Variants in FBLN5 observed in about 807,000 individuals in gnomAD.
The protein encoded by FBLN5 is fibulin 5.
In FBLN5, 24 loss-of-function variants were observed where a neutral mutation model predicts 61.6. That is an observed-to-expected ratio of 0.39 (90% confidence interval 0.28 to 0.55). FBLN5 has a LOEUF of 0.55. Ranked by LOEUF, FBLN5 falls within the 20% of genes least tolerant of loss-of-function variation. The pLI, the probability that FBLN5 is intolerant of heterozygous loss-of-function variation, is 0.65. For missense variants in FBLN5, 470 were observed against 594.1 expected (o/e 0.79, Z 2.17); for synonymous variants, 213 against 219.8 (o/e 0.97, Z 0.27).
chr14:91,946,602 G>T, intron 1 of FBLN5: 1 of 856,140 alleles, frequency 1.2e-6, no homozygotes, highest in Non-Finnish European at 1.9e-6. Context: ...GTTTTCAAGA[G>T]CTCGCTGAAT....
intron 10 of FBLN5, among the ~76,000 whole-genome samples, chr14:91,871,029 G>C (rs564733288): frequency 1.3e-5 from 2 of 151,986 alleles, no homozygotes; most frequent in Non-Finnish European, 2.9e-5. Context: ...GAGGAGGGAG[G>C]GGATTGAAAA....
At chr14:91,925,781 T>C (rs1265615186) in intron 4 of FBLN5, among the ~76,000 whole-genome samples, 1 of 152,200 alleles carries the variant, frequency 6.6e-6, no homozygotes, top group African/African-American at 2.4e-5. Context: ...TTAGATTGCA[T>C]CTAACACTCA....
rs373362683 is a variant in FBLN5, at chr14:91,947,179, C to A, written c.17+34G>T. On this transcript the variant is annotated intron_variant, in intron 1 of 10. Transcript: ENST00000342058. The surrounding 1 kb of genome is among the most constrained non-coding windows in gnomAD (Gnocchi z 4.3). ...GGATTTTTAGCAAGGCTTCCAGACC[C>A]TGGAGAAAGAAAAGTCCAGCGCCGA... 1.9e-6 allele frequency: 3 copies of A among 1,614,110 alleles called. No individual in the cohort carries two copies. In the Admixed American group the frequency reaches 5.0e-5, roughly 27 times the overall value.
At chr14:91,914,556 G>A (rs986370991) in intron 4 of FBLN5, among the ~76,000 whole-genome samples, 23 of 150,002 alleles carry the variant, frequency 1.5e-4, no homozygotes, top group African/African-American at 3.7e-4. Context: ...GATACTTGAG[G>A]CCCAGGAGAT....
intron 4 of FBLN5, among the ~76,000 whole-genome samples, chr14:91,922,199 A>C (rs529269634): frequency 6.4e-4 from 97 of 152,160 alleles, no homozygotes; most frequent in African/African-American, 2.1e-3. Context: ...AGGCTGAGGC[A>C]TGAGAATCGC....
intron 4 of FBLN5, among the ~76,000 whole-genome samples, chr14:91,900,797 A>G (rs900273919): frequency 5.5e-4 from 84 of 152,352 alleles, no homozygotes; most frequent in Non-Finnish European, 9.4e-4. Context: ...CCTGGCACAT[A>G]GCTCCCTTCC....
At chr14:91,925,985 T>C (rs965733712) in intron 4 of FBLN5, among the ~76,000 whole-genome samples, 1 of 152,098 alleles carries the variant, frequency 6.6e-6, no homozygotes, top group Admixed American at 6.6e-5. Context: ...AGGAAGGCAG[T>C]GGCGCTCCCC....
At chr14:91,881,123 A>AAC (rs1889428930) in intron 9 of FBLN5, among the ~76,000 whole-genome samples, 169 bp downstream of exon 9, 2 of 120,276 alleles carry the variant, frequency 1.7e-5, no homozygotes, top group African/African-American at 6.3e-5. Flanking sequence ...TCTATTCTAC[A>AAC]CACACACACA....
At chr14:91,929,104 CACACACA>C (rs765776930) in intron 4 of FBLN5, among the ~76,000 whole-genome samples, 1 of 149,386 alleles carries the variant, frequency 6.7e-6, no homozygotes, top group Non-Finnish European at 1.5e-5. Flanking sequence ...CACACACACA[CACACACA>C]CACCCCACAC....
intron 4 of FBLN5, among the ~76,000 whole-genome samples, chr14:91,928,229 C>CA (rs1239579946): frequency 6.6e-6 from 1 of 152,126 alleles, no homozygotes; most frequent in Non-Finnish European, 1.5e-5. Context: ...AGGGCTAACG[C>CA]AAAAAATTAT....
At position 91,924,040 on chromosome 14, in the gene FBLN5, C is replaced by T. The variant is rs1385622217; in HGVS notation, c.379+12907G>A. 2.0e-5 allele frequency among the ~76,000 whole-genome samples: 3 copies of T among 152,290 alleles called. No homozygotes were observed. In the East Asian group the frequency reaches 5.8e-4, roughly 29 times the overall value. On this transcript the variant is annotated intron_variant, in intron 4 of 10. Coordinates refer to ENST00000342058, the MANE Select transcript of FBLN5 (RefSeq NM_006329.4). ...GACTCCCGCCAAGAGGCTGTGAACT[C>T]GCCAGGGGGTGATGATATCTGATAA...
intron 6 of FBLN5, among the ~76,000 whole-genome samples, chr14:91,888,407 C>T (rs1336557140): frequency 6.6e-6 from 1 of 151,944 alleles, no homozygotes; most frequent in East Asian, 1.9e-4. Flanking sequence ...GCATTCGAGA[C>T]CAGCCTGACC....
chr14:91,914,871 A>G (rs1255775627), intron 4 of FBLN5, among the ~76,000 whole-genome samples: 1 of 151,602 alleles, frequency 6.6e-6, no homozygotes, highest in Non-Finnish European at 1.5e-5. Context: ...TTAAAGAATT[A>G]ACACAAGGCT....
At chr14:91,944,735 G>T (rs1260936817) in intron 1 of FBLN5, among the ~76,000 whole-genome samples, 1 of 152,200 alleles carries the variant, frequency 6.6e-6, no homozygotes, top group Non-Finnish European at 1.5e-5. Flanking sequence ...TTTATACGAG[G>T]CACCTAGTGT....
chr14:91,893,106 G>GA (rs575646087), intron 5 of FBLN5, among the ~76,000 whole-genome samples: 49 of 150,776 alleles, frequency 3.2e-4, no homozygotes, highest in Admixed American at 1.7e-3. Context: ...CTTGTGGTGG[G>GA]AAAAAAAAAC....
intron 5 of FBLN5, 109 bp downstream of exon 5, chr14:91,894,841 C>CCAAAA: frequency 2.3e-5 from 13 of 563,064 alleles, no homozygotes; most frequent in South Asian, 4.8e-5. Context: ...CCCTCCCTAG[C>CCAAAA]AAAGAAAAGC....
At chr14:91,897,356 A>G (rs1890268556) in intron 4 of FBLN5, among the ~76,000 whole-genome samples, 1 of 152,166 alleles carries the variant, frequency 6.6e-6, no homozygotes, top group African/African-American at 2.4e-5. Context: ...AGTCTATGAC[A>G]ATAAATAGTG....
intron 10 of FBLN5, among the ~76,000 whole-genome samples, chr14:91,876,022 A>C (rs1889146487): frequency 6.6e-6 from 1 of 152,230 alleles, no homozygotes; most frequent in Admixed American, 6.5e-5. Flanking sequence ...CTTTGATAAA[A>C]ACTGTATTCC....
intron 4 of FBLN5, among the ~76,000 whole-genome samples, chr14:91,928,795 A>C (rs1235982839): frequency 6.6e-6 from 1 of 152,054 alleles, no homozygotes; most frequent in East Asian, 1.9e-4. Context: ...GCAGTGGCTC[A>C]CACCTGTAAT....
Sources: gnomAD v4.1 joint callset for allele counts (sites outside exome capture counted in the v4.1 genomes callset) on GRCh38, gnomAD v4.1.1 for gene constraint, Gnocchi (gnomAD v3.1) non-coding constraint, MANE v1.5 for transcripts, NCBI Gene and HGNC (gene_info 2026-07-23, HGNC 2026-07-21) for gene names.